The following JADE2 variants were observed in gnomAD, a reference collection of about 807,000 sequenced individuals.
JADE2 encodes E3 ubiquitin-protein ligase Jade-2.
In JADE2, 13 loss-of-function variants were observed where a neutral mutation model predicts 85.7. The ratio of observed to expected loss-of-function variants is 0.15; its 90% CI spans 0.10 to 0.24. The LOEUF (loss-of-function observed/expected upper bound fraction) is 0.24. Ranked by LOEUF, JADE2 falls within the 10% of genes least tolerant of loss-of-function variation. JADE2 has a pLI of 1.00. For missense variants in JADE2, 846 were observed against 1,115.9 expected (o/e 0.76, Z 3.45); for synonymous variants, 440 against 456.1 (o/e 0.96, Z 0.45).
intron 1 of JADE2, among the ~76,000 whole-genome samples, chr5:134,535,539 G>A (rs1761530750): frequency 6.6e-6 from 1 of 152,176 alleles, no homozygotes; most frequent in Non-Finnish European, 1.5e-5. Context: ...AGCTGGGACT[G>A]GGCAGGTCAT....
chr5:134,568,421 T>C (rs903273649), intron 9 of JADE2, among the ~76,000 whole-genome samples: 1 of 152,220 alleles, frequency 6.6e-6, no homozygotes, highest in Non-Finnish European at 1.5e-5. Flanking sequence ...CCCACCCCAG[T>C]GTTGGCTGGT....
chr5:134,526,752 T>C, intron 1 of JADE2: 2 of 985,450 alleles, frequency 2.0e-6, no homozygotes, highest in Non-Finnish European at 2.4e-6. Flanking sequence ...GGGGACACCC[T>C]TTCCAGGTGA....
At chr5:134,540,887 G>A (rs565568429) in intron 3 of JADE2, among the ~76,000 whole-genome samples, 1 of 152,348 alleles carries the variant, frequency 6.6e-6, no homozygotes, top group South Asian at 2.1e-4. Flanking sequence ...AGGCCTGCCT[G>A]GGAGGAAACA....
chr5:134,554,436 G>A (rs533366651), intron 4 of JADE2, among the ~76,000 whole-genome samples: 1 of 152,098 alleles, frequency 6.6e-6, no homozygotes, highest in Non-Finnish European at 1.5e-5. Context: ...TTGGCCCAGC[G>A]GTCTGTCCTC....
Position 134,562,135 on chromosome 5 carries a change from C to G in JADE2, c.685-65C>G, listed in dbSNP as rs1007443866. On this transcript the variant is annotated intron_variant, in intron 6 of 11. Transcript: ENST00000681547. The surrounding 1 kb of genome is among the most constrained non-coding windows in gnomAD (Gnocchi z 4.6). Reference sequence around the variant, plus strand: ...GGGGCTGGCACTGGACCAAATGCAGCTGACTGCTGACCAGACACAGATTGG... The same window carrying G: ...GGGGCTGGCACTGGACCAAATGCAGGTGACTGCTGACCAGACACAGATTGG... 2 of 1,500,732 alleles carry G rather than the reference C, an allele frequency of 1.3e-6. No homozygotes were observed. The highest frequency in any genetic ancestry group is 2.8e-5 in the African/African-American group (2 of 72,654). The allele number at this position is 1,500,732 out of a possible 1,614,324, so 93.0% of individuals were successfully genotyped here.
At position 134,562,933 on chromosome 5, in the gene JADE2, G is replaced by A. The variant is rs190447435; in HGVS notation, c.852+566G>A. 1.4e-3 allele frequency among the ~76,000 whole-genome samples: 217 copies of A among 152,310 alleles called. No individual in the cohort carries two copies. The highest frequency in any genetic ancestry group is 2.4e-3 in the Admixed American group (37 of 15,294). ...CTAGGAGATTTCAGGAGATAGGGAT[G>A]AGGTCTGGACAGAAGTCAGGCAGCT... On this transcript the variant is annotated intron_variant, in intron 7 of 11. Transcript: ENST00000681547. The surrounding 1 kb of genome is among the most constrained non-coding windows in gnomAD (Gnocchi z 4.6).
rs776817859 is a variant in JADE2 at position 134,559,872 on chromosome 5, G to A, written c.354G>A (p.Pro118=). The change falls in exon 5 of 12, where the codon CCG becomes CCA. Residue 118 remains proline (P), a synonymous_variant. Transcript: ENST00000681547. ...AAGGCCCCCCTGCCCAGGCATCCCC[G>A]AGCAGCACCATGCTTGGTGAGGGCT... ...PLEGPPAQAS[P]SSTMLGEGSQ... 9 of 1,613,606 alleles carry A rather than the reference G, an allele frequency of 5.6e-6. No individual in the cohort carries two copies. In the South Asian group the frequency reaches 6.6e-5, roughly 12 times the overall value.
upstream of JADE2, among the ~76,000 whole-genome samples, chr5:134,524,067 G>C (rs1455856876): frequency 6.6e-6 from 1 of 152,212 alleles, no homozygotes; most frequent in African/African-American, 2.4e-5. Flanking sequence ...TGGATAATCT[G>C]AGGGGCAGCC....
At chr5:134,571,593 A>G (rs1764022808) in intron 9 of JADE2, among the ~76,000 whole-genome samples, 1 of 152,182 alleles carries the variant, frequency 6.6e-6, no homozygotes. Context: ...GCTACGTGGG[A>G]GGCTGAGGCA....
intron 1 of JADE2, chr5:134,526,233 G>C: frequency 1.0e-6 from 1 of 985,550 alleles, no homozygotes; most frequent in African/African-American, 1.7e-5. Context: ...GTGTTTTAAA[G>C]AGTACAGTGC....
In JADE2 at chr5:134,576,824, G is replaced by A. The variant is rs926309888; in HGVS notation, c.1609G>A (p.Glu537Lys). 6.4e-6 allele frequency: 10 copies of A among 1,550,508 alleles called. No homozygotes were observed. Among genetic ancestry groups the A allele is most frequent in the Middle Eastern group, 1.7e-4 (1 of 6,014 alleles). The change falls in exon 11 of 12, where the codon GAG (glutamate) becomes AAG (lysine). Residue 537 changes from glutamate to lysine, a missense_variant. Coordinates refer to ENST00000681547, the MANE Select transcript of JADE2 (RefSeq NM_001388185.1). ...KKSDSKRKGCEGSKGSTEKKE... is the reference protein window; with the variant it reads ...KKSDSKRKGCKGSKGSTEKKE... ...GAGTGACTCGAAGAGGAAGGGCTGC[G>A]AGGGCTCCAAGGGCAGCACTGAGAA...
At chr5:134,561,773 C>T (rs1225794805) in intron 6 of JADE2, among the ~76,000 whole-genome samples, 1 of 152,188 alleles carries the variant, frequency 6.6e-6, no homozygotes, top group Non-Finnish European at 1.5e-5. Flanking sequence ...TCACCCAAGC[C>T]ATAGAGGGGT....
Position 134,573,567 on chromosome 5 carries a change from C to A in JADE2, c.1435-78C>A, listed in dbSNP as rs1002739816. On this transcript the variant is annotated intron_variant, in intron 9 of 11. Transcript: ENST00000681547. ...CTGTGCCCCTGGCACTGCCTCCACC[C>A]ATAGCAAGGTCCCCAGAGCTGGGAG... The A allele has an allele frequency of 6.9e-5, 67 of 966,186 alleles. No individual in the cohort carries two copies. The South Asian group carries it at 8.6e-4, about 12-fold the overall frequency. 59.9% of individuals were successfully genotyped at this position (966,186 alleles called of 1,614,324 possible).
intron 2 of JADE2, among the ~76,000 whole-genome samples, chr5:134,537,726 G>A (rs1761684414): frequency 6.6e-6 from 1 of 152,106 alleles, no homozygotes; most frequent in Admixed American, 6.5e-5. Context: ...GGACTTGTCT[G>A]GGGTCACACA....
At chr5:134,572,201 G>A (rs1257724926) in intron 9 of JADE2, among the ~76,000 whole-genome samples, 1 of 152,100 alleles carries the variant, frequency 6.6e-6, no homozygotes, top group African/African-American at 2.4e-5. Flanking sequence ...GCCCAGGGTG[G>A]CCCCCCGGAG....
At chr5:134,538,172 C>T in intron 3 of JADE2, 89 bp downstream of exon 3, 1 of 1,069,314 alleles carries the variant, frequency 9.4e-7, no homozygotes, top group South Asian at 1.3e-5. Flanking sequence ...TGGCAGAGGG[C>T]ACGGGCAGTG....
Position 134,563,474 on chromosome 5 carries a change from G to A in JADE2, c.853-1020G>A, listed in dbSNP as rs142022440. Among the ~76,000 whole-genome samples, 776 of 152,330 alleles carry A rather than the reference G, an allele frequency of 5.1e-3. 2 individuals carry two copies. Among genetic ancestry groups the A allele is most frequent in the African/African-American group, 0.018 (733 of 41,560 alleles). On this transcript the variant is annotated intron_variant, in intron 7 of 11. Coordinates refer to ENST00000681547, the MANE Select transcript of JADE2 (RefSeq NM_001388185.1). ...TGGGTCCAGAGTCAGTGAGTTAGCA[G>A]AGGTCCTGGGTGCCTGGCAGGCCAG...
At chr5:134,561,824 C>G (rs1001353293) in intron 6 of JADE2, among the ~76,000 whole-genome samples, 4 of 152,168 alleles carry the variant, frequency 2.6e-5, no homozygotes, top group African/African-American at 9.7e-5. Flanking sequence ...AATATGAGGG[C>G]TCTGGGACTT....
chr5:134,568,710 G>A (rs774670382), intron 9 of JADE2, among the ~76,000 whole-genome samples: 5 of 152,240 alleles, frequency 3.3e-5, no homozygotes, highest in Non-Finnish European at 7.3e-5. Flanking sequence ...TGGCAGGGCC[G>A]AGGAGGGACA....
Sources: gnomAD v4.1 joint callset for allele counts (sites outside exome capture counted in the v4.1 genomes callset) on GRCh38, gnomAD v4.1.1 for gene constraint, Gnocchi (gnomAD v3.1) non-coding constraint, MANE v1.5 for transcripts, NCBI Gene and HGNC (gene_info 2026-07-23, HGNC 2026-07-21) for gene names.